DCLK1: variants seen among roughly 807,000 people sequenced by gnomAD.
DCLK1 encodes the protein doublecortin like kinase 1, also known as serine/threonine-protein kinase DCLK1.
DCLK1 carries 16 observed loss-of-function variants against 86.2 expected under a neutral mutation model. The ratio of observed to expected loss-of-function variants is 0.19; its 90% CI spans 0.13 to 0.28. The LOEUF (loss-of-function observed/expected upper bound fraction) is 0.28. Among genes scored for constraint, DCLK1 ranks in the 10% least tolerant of loss-of-function variants. The pLI is 1.00. For missense variants in DCLK1, 590 were observed against 940.2 expected, an observed-to-expected ratio of 0.63 and a Z score of 4.87; for synonymous variants, 369 against 370.5, an observed-to-expected ratio of 1.00 and a Z score of 0.05.
At chr13:35,953,585 T>C (rs1485093847) in intron 3 of DCLK1, among the ~76,000 whole-genome samples, 1 of 152,192 alleles carries the variant, frequency 6.6e-6, no homozygotes, top group Non-Finnish European at 1.5e-5. Flanking sequence ...CCCAAGAGAC[T>C]AAGCTGCTTA....
intron 4 of DCLK1, among the ~76,000 whole-genome samples, chr13:35,898,726 A>G (rs533405426): frequency 2.0e-4 from 31 of 152,072 alleles, no homozygotes; most frequent in Non-Finnish European, 3.7e-4. Context: ...TGTGCTCTTG[A>G]ACATGGTGGG....
intron 3 of DCLK1, among the ~76,000 whole-genome samples, chr13:35,977,290 T>C (rs1879397576): frequency 6.6e-6 from 1 of 152,256 alleles, no homozygotes; most frequent in African/African-American, 2.4e-5. Context: ...TTGGGCAAGT[T>C]TTCCCCCTGA....
At chr13:35,971,758 C>T (rs1487026688) in intron 3 of DCLK1, among the ~76,000 whole-genome samples, 1 of 144,280 alleles carries the variant, frequency 6.9e-6, no homozygotes, top group Non-Finnish European at 1.5e-5. Context: ...AGTGAAACTC[C>T]ATCTCAAAAA....
At chr13:36,127,190 AAAG>A (rs1886218278) in intron 1 of DCLK1, among the ~76,000 whole-genome samples, 1 of 152,260 alleles carries the variant, frequency 6.6e-6, no homozygotes, top group African/African-American at 2.4e-5. Flanking sequence ...GGACCAACTT[AAAG>A]AAGATTTTCC....
chr13:35,935,972 T>A (rs1482363334), intron 4 of DCLK1, among the ~76,000 whole-genome samples: 2 of 152,118 alleles, frequency 1.3e-5, no homozygotes, highest in African/African-American at 4.8e-5. Context: ...TTAAAGTAGA[T>A]GAACTTGGCT....
intron 3 of DCLK1, among the ~76,000 whole-genome samples, chr13:36,095,171 TTG>T (rs1491488341): frequency 1.7e-5 from 2 of 120,496 alleles, no homozygotes; most frequent in Non-Finnish European, 3.3e-5. Flanking sequence ...CTCTCTCTCT[TTG>T]TTTTTTTTTT....
chr13:35,821,873 T>C (rs2087402316), intron 11 of DCLK1, among the ~76,000 whole-genome samples: 1 of 151,920 alleles, frequency 6.6e-6, no homozygotes, highest in Non-Finnish European at 1.5e-5. Context: ...TTTGTGGAGA[T>C]CTCTCAAGGT....
At chr13:36,045,075 G>C (rs1013414564) in intron 3 of DCLK1, among the ~76,000 whole-genome samples, 1 of 150,738 alleles carries the variant, frequency 6.6e-6, no homozygotes, top group African/African-American at 2.4e-5. Context: ...TGAGTAGAAG[G>C]ATTCATGACT....
intron 3 of DCLK1, among the ~76,000 whole-genome samples, chr13:36,020,726 G>T (rs1421071730): frequency 6.7e-6 from 1 of 148,702 alleles, no homozygotes; most frequent in Non-Finnish European, 1.5e-5. Context: ...CATATTTAAG[G>T]TGCTGAAAGA....
intron 3 of DCLK1, among the ~76,000 whole-genome samples, chr13:36,083,428 C>T (rs990189746): frequency 6.6e-6 from 1 of 152,168 alleles, no homozygotes; most frequent in Non-Finnish European, 1.5e-5. Flanking sequence ...ATCAGCCTGT[C>T]GAACAAATGG....
At chr13:35,889,522 T>C (rs1047088991) in intron 4 of DCLK1, among the ~76,000 whole-genome samples, 2 of 152,190 alleles carry the variant, frequency 1.3e-5, no homozygotes, top group African/African-American at 4.8e-5. Flanking sequence ...TGGAGTCAGC[T>C]AATGATTTCT....
intron 4 of DCLK1, among the ~76,000 whole-genome samples, chr13:35,916,765 A>C (rs1875438710): frequency 6.6e-6 from 1 of 152,170 alleles, no homozygotes; most frequent in African/African-American, 2.4e-5. Flanking sequence ...TATCTTTAAA[A>C]AATGCTCATG....
intron 4 of DCLK1, among the ~76,000 whole-genome samples, chr13:35,897,985 G>A (rs1238357022): frequency 2.6e-5 from 4 of 152,176 alleles, no homozygotes; most frequent in Non-Finnish European, 5.9e-5. Flanking sequence ...TATTAATATT[G>A]TAGGTCTTCA....
chr13:36,007,581 T>C (rs1421786321), intron 3 of DCLK1, among the ~76,000 whole-genome samples: 3 of 152,184 alleles, frequency 2.0e-5, no homozygotes, highest in African/African-American at 7.2e-5. Context: ...GGAAGGCAGA[T>C]GAACTACACT....
At chr13:35,828,449 A>T (rs3818479) in intron 8 of DCLK1, 142 bp from the exon 9 acceptor site, 136,050 of 663,020 alleles carry the variant, frequency 0.21, 15,996 homozygotes, top group Admixed American at 0.35. Context: ...TCCTTTTTTA[A>T]AAAAAAACAA....
At chr13:36,016,804 T>C (rs1881553755) in intron 3 of DCLK1, among the ~76,000 whole-genome samples, 1 of 152,350 alleles carries the variant, frequency 6.6e-6, no homozygotes, top group South Asian at 2.1e-4. Flanking sequence ...ATCTAAAATG[T>C]TATTTTAACA....
chr13:35,846,042 C>G, intron 6 of DCLK1: 2 of 985,402 alleles, frequency 2.0e-6, no homozygotes, highest in Non-Finnish European at 2.4e-6. Context: ...ACTGAACTTT[C>G]AAAATTGGGT....
At chr13:36,032,980 A>G (rs1415090645) in intron 3 of DCLK1, among the ~76,000 whole-genome samples, 1 of 152,218 alleles carries the variant, frequency 6.6e-6, no homozygotes, top group Non-Finnish European at 1.5e-5. Context: ...GCTGGGACCT[A>G]GTAACAGGGG....
chr13:36,126,108 C>A lies in DCLK1; in HGVS notation c.30G>T (p.Glu10Asp). ...GCGCCTTATCCCGCTCGTCGAAGTG[C>A]TCCAGCTCCATGTCTCTGCCGAAGG... MSFGRDMEL[E>D]HFDERDKAQR... The change falls in exon 2 of 17, where the codon GAG becomes GAT. Residue 10 changes from glutamate (E) to aspartate (D), a missense_variant. Physicochemically the swap from Glu to Asp is conservative, Grantham distance 45 (BLOSUM62 2). Coordinates refer to ENST00000360631, the MANE Select transcript of DCLK1 (RefSeq NM_001330071.2). The A allele has an allele frequency of 6.2e-7, 1 of 1,602,956 alleles. No individual in the cohort carries two copies.
Sources: gnomAD v4.1 joint callset for allele counts (sites outside exome capture counted in the v4.1 genomes callset) on GRCh38, gnomAD v4.1.1 for gene constraint, MANE v1.5 for transcripts, NCBI Gene and HGNC (gene_info 2026-07-23, HGNC 2026-07-21) for gene names.